Variants in RAB30 observed in about 807,000 individuals in gnomAD.
RAB30 encodes ras-related protein Rab-30.
A neutral mutation model predicts 25.1 loss-of-function variants in RAB30; 9 were observed. The ratio of observed to expected loss-of-function variants is 0.36; its 90% CI spans 0.22 to 0.63. The LOEUF (loss-of-function observed/expected upper bound fraction) is 0.63, where lower values mean the gene tolerates loss of function less well. RAB30 is among the 20% of genes least tolerant of loss of function. The pLI, the probability that RAB30 is intolerant of heterozygous loss-of-function variation, is 0.69. For synonymous variants in RAB30, 77 were observed against 86.4 expected (o/e 0.89, Z 0.60); for missense variants, 140 against 243.5 (o/e 0.58, Z 2.83).
chr11:82,988,665 T>C (rs1400446253), intron 3 of RAB30, among the ~76,000 whole-genome samples: 1 of 152,202 alleles, frequency 6.6e-6, no homozygotes, highest in Non-Finnish European at 1.5e-5. Flanking sequence ...TACTTGTCAA[T>C]TTCCCTGCAC....
chr11:83,058,178 T>C (rs1858494690), intron 1 of RAB30, among the ~76,000 whole-genome samples: 1 of 152,220 alleles, frequency 6.6e-6, no homozygotes, highest in South Asian at 2.1e-4. Flanking sequence ...AATGGACATT[T>C]CTTTACCCTG....
rs553691689 is a variant in RAB30, at chr11:82,976,892, C to T, written c.*5273G>A. The stretch of plus-strand genomic sequence containing the variant: ...AAATACTTGTTTTTATTGCTTTCCA[C>T]ATAAAGCAATTTGACCTCAGTTCTT... On this transcript the variant is annotated 3_prime_UTR_variant, in exon 5 of 5. Coordinates refer to ENST00000527633, the MANE Select transcript of RAB30 (RefSeq NM_001286060.2). The T allele has an allele frequency of 3.9e-5, 6 of 152,298 alleles. No individual in the cohort carries two copies. The highest frequency in any genetic ancestry group is 1.4e-4 in the African/African-American group (6 of 41,576). The allele number at this position is 152,298 out of a possible 1,614,324, so 9.4% of individuals were successfully genotyped here.
intron 1 of RAB30, among the ~76,000 whole-genome samples, chr11:83,066,859 C>T (rs1245702202): frequency 6.6e-6 from 1 of 152,176 alleles, no homozygotes; most frequent in African/African-American, 2.4e-5. Context: ...GCCTAGAATA[C>T]ATTTTAATGG....
chr11:82,997,930 G>A (rs546000366), intron 1 of RAB30, among the ~76,000 whole-genome samples: 1 of 152,242 alleles, frequency 6.6e-6, no homozygotes, highest in South Asian at 2.1e-4. Flanking sequence ...GTGCCTGTCT[G>A]TTCACTCCTC....
intron 1 of RAB30, among the ~76,000 whole-genome samples, chr11:83,022,874 T>C (rs1857612869): frequency 6.6e-6 from 1 of 152,090 alleles, no homozygotes; most frequent in African/African-American, 2.4e-5. Flanking sequence ...TCTTTATTCT[T>C]AGAATACACA....
chr11:83,038,599 T>A (rs188579416), intron 1 of RAB30: 1 of 152,316 alleles, frequency 6.6e-6, no homozygotes. Flanking sequence ...GGCAGGCAGA[T>A]CACCTGAGGT....
At chr11:83,025,320 T>A (rs1036007111) in intron 1 of RAB30, among the ~76,000 whole-genome samples, 1 of 152,186 alleles carries the variant, frequency 6.6e-6, no homozygotes, top group African/African-American at 2.4e-5. Context: ...AAACAACACA[T>A]CTCTGACTGA....
At chr11:83,033,060 T>TC (rs1857909939) in intron 1 of RAB30, among the ~76,000 whole-genome samples, 1 of 134,916 alleles carries the variant, frequency 7.4e-6, no homozygotes, top group Non-Finnish European at 1.6e-5. Flanking sequence ...AAATTCTTTT[T>TC]TTTTTTTTTT....
intron 4 of RAB30, among the ~76,000 whole-genome samples, chr11:82,984,107 A>C (rs148338058): frequency 1.3e-5 from 2 of 152,362 alleles, no homozygotes; most frequent in East Asian, 3.8e-4. Context: ...CAAATTCTCC[A>C]GGAAACCTGA....
intron 1 of RAB30, among the ~76,000 whole-genome samples, chr11:83,021,563 G>A (rs1857579306): frequency 6.6e-6 from 1 of 152,256 alleles, no homozygotes; most frequent in African/African-American, 2.4e-5. Context: ...TGGCTGTGCA[G>A]AGGCCAGACT....
At chr11:83,013,337 G>A (rs11233414) in intron 1 of RAB30, among the ~76,000 whole-genome samples, 5,324 of 152,078 alleles carry the variant, frequency 0.035, 322 homozygotes, top group African/African-American at 0.12. Flanking sequence ...CACCTGCCTC[G>A]GCCTCCCAAA....
intron 1 of RAB30, among the ~76,000 whole-genome samples, chr11:83,002,749 C>T (rs777328912): frequency 1.9e-4 from 29 of 152,116 alleles, no homozygotes; most frequent in Admixed American, 3.3e-4. Context: ...CTCATGATCA[C>T]ACTGCTGCAT....
chr11:82,994,552 A>C (rs1194435174), intron 2 of RAB30, among the ~76,000 whole-genome samples: 1 of 152,202 alleles, frequency 6.6e-6, no homozygotes, highest in Non-Finnish European at 1.5e-5. Flanking sequence ...AGATAAAATC[A>C]AGGATACTTA....
intron 1 of RAB30, among the ~76,000 whole-genome samples, chr11:83,001,046 CAAAAAAAAAAAA>C (rs1181057652): frequency 2.1e-4 from 11 of 53,634 alleles, no homozygotes; most frequent in Non-Finnish European, 2.9e-4. Flanking sequence ...GACTCCGTCT[CAAAAAAAAAAAA>C]AAAAAAAAAA....
intron 3 of RAB30, among the ~76,000 whole-genome samples, chr11:82,988,264 A>G (rs942431512): frequency 2.6e-5 from 4 of 152,172 alleles, no homozygotes; most frequent in Non-Finnish European, 4.4e-5. Context: ...TCAACCAGGC[A>G]TTGTGGTCCC....
chr11:82,985,506 A>C (rs1313276111), intron 4 of RAB30, among the ~76,000 whole-genome samples: 2 of 152,272 alleles, frequency 1.3e-5, no homozygotes, highest in Non-Finnish European at 2.9e-5. Flanking sequence ...CTCTAGACTT[A>C]TCTATAAATC....
intron 1 of RAB30, among the ~76,000 whole-genome samples, chr11:83,063,381 C>T (rs751958090): frequency 3.3e-5 from 5 of 152,110 alleles, no homozygotes; most frequent in Admixed American, 2.0e-4. Context: ...AGGTTGATGA[C>T]GTCCACATTT....
chr11:83,056,154 C>T (rs1565291198), intron 1 of RAB30, among the ~76,000 whole-genome samples: 1 of 152,216 alleles, frequency 6.6e-6, no homozygotes, highest in African/African-American at 2.4e-5. Flanking sequence ...AACTGAAACT[C>T]TACACCCACT....
In RAB30 at chr11:83,014,000, G is replaced by A. The variant is rs116235216; in HGVS notation, c.-8-16676C>T. Among the ~76,000 whole-genome samples, 427 of 152,250 alleles carry A rather than the reference G, an allele frequency of 2.8e-3. 4 individuals are homozygous for A. The highest frequency in any genetic ancestry group is 9.8e-3 in the African/African-American group (408 of 41,544). On this transcript the variant is annotated intron_variant, in intron 1 of 4. Coordinates refer to ENST00000527633, the MANE Select transcript of RAB30 (RefSeq NM_001286060.2). ...CACTCATTTCATACATTTGTACTGG[G>A]CATCTACTATGTGCAAGTCACATAT...
Sources: allele counts gnomAD v4.1 joint callset (sites outside exome capture counted in the v4.1 genomes callset), GRCh38; gene constraint gnomAD v4.1.1; transcripts MANE v1.5; gene names NCBI Gene and HGNC (gene_info 2026-07-23, HGNC 2026-07-21).